The following ADGRG5 variants were observed in gnomAD, a reference collection of about 807,000 sequenced individuals.
ADGRG5 encodes adhesion G protein-coupled receptor G5.
Under a neutral mutation model 53.2 loss-of-function variants are expected in ADGRG5, and 37 were observed. The ratio of observed to expected loss-of-function variants is 0.70; its 90% CI spans 0.53 to 0.91. ADGRG5 has a LOEUF of 0.91. Ranked by LOEUF, ADGRG5 falls within the 40% of genes least tolerant of loss-of-function variation. The probability of loss-of-function intolerance (pLI) is 0.00; values close to 1 mark genes in which losing one functional copy is unlikely to be tolerated. For missense variants in ADGRG5, 614 were observed against 675.8 expected, an observed-to-expected ratio of 0.91 and a Z score of 1.01; for synonymous variants, 277 against 290.4, an observed-to-expected ratio of 0.95 and a Z score of 0.47.
At chr16:57,535,492 T>G in the ADGRG5 span, among the ~76,000 whole-genome samples, 1 of 152,076 alleles carries the variant, frequency 6.6e-6, no homozygotes, top group Non-Finnish European at 1.5e-5. Context: ...ATGGGATGCC[T>G]CCTCTTCTGG....
At position 57,574,084 on chromosome 16, in the gene ADGRG5, C is replaced by A. The variant is rs1267262876; in HGVS notation, c.1209-731C>A. The stretch of plus-strand genomic sequence containing the variant: ...CTGTCTCTAAACCCTTTTCTCCTGC[C>A]TCAGCATGACATTGTGTCCGACTAA... On this transcript the variant is annotated intron_variant, in intron 10 of 11. Coordinates refer to ENST00000349457, the MANE Select transcript of ADGRG5 (RefSeq NM_001304376.3). The surrounding 1 kb of genome is among the most constrained non-coding windows in gnomAD (Gnocchi z 4.4). 1.3e-5 allele frequency among the ~76,000 whole-genome samples: 2 copies of A among 152,206 alleles called. No individual in the cohort carries two copies. Among genetic ancestry groups the A allele is most frequent in the Admixed American group, 6.5e-5 (1 of 15,288 alleles).
At chr16:57,540,235 C>G (rs1278367517), upstream of ADGRG5, among the ~76,000 whole-genome samples, 2 of 152,124 alleles carry the variant, frequency 1.3e-5, no homozygotes, top group Non-Finnish European at 2.9e-5. Context: ...GAGTGAGGCT[C>G]TGTCTCAGAC....
At chr16:57,573,607 T>C (rs2033426387) in intron 10 of ADGRG5, among the ~76,000 whole-genome samples, 1 of 152,190 alleles carries the variant, frequency 6.6e-6, no homozygotes, top group Non-Finnish European at 1.5e-5. Context: ...ATTGGTTACT[T>C]GATGTACACC....
At chr16:57,531,664 T>C in the ADGRG5 span, among the ~76,000 whole-genome samples, 3 of 151,804 alleles carry the variant, frequency 2.0e-5, no homozygotes, top group South Asian at 2.1e-4. Context: ...CTCCAAATAC[T>C]CTCCAATCCC....
chr16:57,533,628 C>A, the ADGRG5 span, among the ~76,000 whole-genome samples: 2 of 151,526 alleles, frequency 1.3e-5, no homozygotes, highest in African/African-American at 4.9e-5. Flanking sequence ...TCACACACAG[C>A]CCCAGTAACA....
the ADGRG5 span, among the ~76,000 whole-genome samples, chr16:57,537,614 T>A: frequency 6.6e-6 from 1 of 152,180 alleles, no homozygotes; most frequent in Admixed American, 6.5e-5. Flanking sequence ...TTTGAGAGCT[T>A]CCTCAAACTC....
chr16:57,572,214 G>A (rs1175512640), intron 10 of ADGRG5, among the ~76,000 whole-genome samples: 1 of 151,632 alleles, frequency 6.6e-6, no homozygotes, highest in Non-Finnish European at 1.5e-5. Context: ...GGTGGCTCAC[G>A]CCTGTAATCC....
At chr16:57,556,781 A>G (rs1362748035) in intron 1 of ADGRG5, among the ~76,000 whole-genome samples, 1 of 151,996 alleles carries the variant, frequency 6.6e-6, no homozygotes, top group Non-Finnish European at 1.5e-5. Context: ...TTAAGTCCAA[A>G]TTTCCAACTG....
chr16:57,573,784 C>T (rs1197405058), intron 10 of ADGRG5, among the ~76,000 whole-genome samples: 1 of 152,132 alleles, frequency 6.6e-6, no homozygotes, highest in African/African-American at 2.4e-5. Flanking sequence ...TGCAGTGGTG[C>T]GATCTCGGCT....
At chr16:57,536,717 G>A in the ADGRG5 span, 1 of 152,204 alleles carries the variant, frequency 6.6e-6, no homozygotes, top group Non-Finnish European at 1.5e-5. Context: ...TGCTGGGGTG[G>A]GGGCTCCAGC....
chr16:57,574,732 C>A lies in ADGRG5; in HGVS notation c.1209-83C>A, dbSNP rs1596804644. 7.1e-7 allele frequency: 1 copy of A among 1,413,702 alleles called. No homozygotes were observed. Among genetic ancestry groups the A allele is most frequent in the Non-Finnish European group, 9.5e-7 (1 of 1,055,936 alleles). 87.6% of individuals were successfully genotyped at this position (1,413,702 alleles called of 1,614,324 possible). On this transcript the variant is annotated intron_variant, in intron 10 of 11. Transcript: ENST00000349457. This position sits in a 1 kb window ranked among gnomAD's most constrained non-coding sequence, Gnocchi z 4.4. ...AACAATAGGGCCTGAGCCAGGAGAC[C>A]GAGTGGGGCTTCAGGGAGTGATGCT... is the stretch of plus-strand genomic sequence containing the variant.
rs1313733934 is a variant in ADGRG5, at chr16:57,566,764, C to T, written c.699+13C>T. On this transcript the variant is annotated intron_variant, in intron 7 of 11. Coordinates refer to ENST00000349457, the MANE Select transcript of ADGRG5 (RefSeq NM_001304376.3). The stretch of plus-strand genomic sequence containing the variant: ...TGCTGTTCTCATGGTATGTATGCAT[C>T]CTGAGTGGGGCTCAGAGCTACAGAG... 4 of 1,457,704 alleles carry T rather than the reference C, an allele frequency of 2.7e-6. No homozygotes were observed. Among genetic ancestry groups the T allele is most frequent in the Non-Finnish European group, 9.1e-7 (1 of 1,100,266 alleles). 90.3% of individuals were successfully genotyped at this position (1,457,704 alleles called of 1,614,324 possible).
the ADGRG5 span, among the ~76,000 whole-genome samples, chr16:57,530,455 C>T: frequency 3.3e-5 from 5 of 152,330 alleles, no homozygotes; most frequent in African/African-American, 1.2e-4. Context: ...GCCCCTAAGA[C>T]CCACCCTTTC....
Position 57,574,725 on chromosome 16 carries a change from AGGAGACCGAGTG to A in ADGRG5, c.1209-87_1209-76del. The A allele has an allele frequency of 7.2e-7, 1 of 1,382,450 alleles. No individual in the cohort carries two copies. The highest frequency in any genetic ancestry group is 9.7e-7 in the Non-Finnish European group (1 of 1,028,780). 85.6% of individuals were successfully genotyped at this position (1,382,450 alleles called of 1,614,324 possible). A position where few individuals can be genotyped will look rare whatever the true frequency, so the allele number is the denominator to read the frequency against. On this transcript the variant is annotated intron_variant, in intron 10 of 11. Coordinates refer to ENST00000349457, the MANE Select transcript of ADGRG5 (RefSeq NM_001304376.3). This position sits in a 1 kb window ranked among gnomAD's most constrained non-coding sequence, Gnocchi z 4.4. ...GGCAAGAAACAATAGGGCCTGAGCC[AGGAGACCGAGTG>A]GGGCTTCAGGGAGTGATGCTGGCCT...
chr16:57,537,531 T>G, the ADGRG5 span, among the ~76,000 whole-genome samples: 7 of 152,356 alleles, frequency 4.6e-5, no homozygotes, highest in East Asian at 1.3e-3. Flanking sequence ...CTTTTTCTTG[T>G]AATAGTTGAG....
chr16:57,531,043 C>T, the ADGRG5 span, among the ~76,000 whole-genome samples: 1 of 152,026 alleles, frequency 6.6e-6, no homozygotes, highest in African/African-American at 2.4e-5. Context: ...CCCTCGAATG[C>T]GGCTGTCATC....
chr16:57,576,658 C>G lies in ADGRG5; in HGVS notation c.*1120C>G, dbSNP rs1374385678. ...GACCCCATGCACCAGCTGGAGGGGC[C>G]GTAACTGCAGGACTGCGCCTACTGA... On this transcript the variant is annotated 3_prime_UTR_variant, in exon 12 of 12. Transcript: ENST00000349457. 6.6e-6 allele frequency: 1 copy of G among 152,200 alleles called. No individual in the cohort carries two copies. Among genetic ancestry groups the G allele is most frequent in the African/African-American group, 2.4e-5 (1 of 41,438 alleles). The allele number at this position is 152,200 out of a possible 1,614,324, so 9.4% of individuals were successfully genotyped here.
chr16:57,572,824 C>A (rs2033399224), intron 10 of ADGRG5, among the ~76,000 whole-genome samples: 1 of 152,266 alleles, frequency 6.6e-6, no homozygotes, highest in African/African-American at 2.4e-5. Flanking sequence ...TGGTCGCCTA[C>A]CACACTCATC....
At chr16:57,540,040 C>T (rs1264330228), upstream of ADGRG5, among the ~76,000 whole-genome samples, 4 of 151,976 alleles carry the variant, frequency 2.6e-5, no homozygotes, top group African/African-American at 9.7e-5. Flanking sequence ...GTCAAGAGAT[C>T]GAGACCATCC....
Sources: allele counts gnomAD v4.1 joint callset (sites outside exome capture counted in the v4.1 genomes callset), GRCh38; gene constraint gnomAD v4.1.1; non-coding constraint Gnocchi (gnomAD v3.1); transcripts MANE v1.5; gene names NCBI Gene and HGNC (gene_info 2026-07-23, HGNC 2026-07-21).